The following NCAM1 variants were observed in gnomAD, a reference collection of about 807,000 sequenced individuals.
NCAM1 encodes the protein antigen recognized by monoclonal antibody 5.1H11.
NCAM1 carries 14 observed loss-of-function variants against 109.8 expected under a neutral mutation model. The ratio of observed to expected loss-of-function variants is 0.13; its 90% confidence interval spans 0.08 to 0.20. NCAM1 has a LOEUF of 0.20. NCAM1 is among the 10% of genes least tolerant of loss of function. The pLI, the probability that NCAM1 is intolerant of heterozygous loss-of-function variation, is 1.00. For synonymous variants in NCAM1, 418 were observed against 442.9 expected (o/e 0.94, Z 0.70); for missense variants, 774 against 1,109.9 (o/e 0.70, Z 4.30).
intron 7 of NCAM1, among the ~76,000 whole-genome samples, chr11:113,213,874 C>T (rs782460427): frequency 6.6e-6 from 1 of 152,224 alleles, no homozygotes; most frequent in Non-Finnish European, 1.5e-5. Context: ...TGTCTGTGGG[C>T]CTCCACCAGG....
At chr11:113,193,390 G>T (rs1026643085) in intron 1 of NCAM1, among the ~76,000 whole-genome samples, 7 of 152,174 alleles carry the variant, frequency 4.6e-5, no homozygotes, top group African/African-American at 7.2e-5. Flanking sequence ...CCAGCCTGGA[G>T]AGCCCAGCAC....
intron 1 of NCAM1, among the ~76,000 whole-genome samples, chr11:113,172,048 T>G (rs549288575): frequency 6.6e-6 from 1 of 152,226 alleles, no homozygotes; most frequent in African/African-American, 2.4e-5. Context: ...GACAGTACCA[T>G]AGTACCTTCT....
intron 1 of NCAM1, among the ~76,000 whole-genome samples, chr11:113,187,567 G>A (rs1352164788): frequency 6.6e-6 from 1 of 150,402 alleles, no homozygotes; most frequent in African/African-American, 2.5e-5. Context: ...GTGTTTCTGT[G>A]TGTGTGTGTG....
intron 1 of NCAM1, among the ~76,000 whole-genome samples, chr11:112,967,674 A>G (rs782598030): frequency 4.5e-4 from 69 of 152,234 alleles, no homozygotes; most frequent in Admixed American, 2.2e-3. Context: ...ATAATTATTT[A>G]GACATAGTGC....
At position 113,029,869 on chromosome 11, in the gene NCAM1, T is replaced by G. The variant is rs567392783; in HGVS notation, c.52+68205T>G. Among the ~76,000 whole-genome samples, 3 of 152,340 alleles carry G rather than the reference T, an allele frequency of 2.0e-5. No individual in the cohort carries two copies. In the South Asian group the frequency reaches 6.2e-4, roughly 32 times the overall value. ...ACTTTGCCATTCTTATTAAGGATGC[T>G]TGACTTTGGCCTGGGCCTTGGCATT... On this transcript the variant is annotated intron_variant, in intron 1 of 19. Coordinates refer to ENST00000316851, the MANE Select transcript of NCAM1 (RefSeq NM_181351.5).
chr11:113,015,081 C>T (rs1255161285), intron 1 of NCAM1, among the ~76,000 whole-genome samples: 3 of 152,254 alleles, frequency 2.0e-5, no homozygotes, highest in Non-Finnish European at 2.9e-5. Flanking sequence ...CCATGCATCT[C>T]TGGCTCATTG....
intron 1 of NCAM1, among the ~76,000 whole-genome samples, chr11:113,191,191 G>A (rs940783627): frequency 7.9e-5 from 12 of 152,160 alleles, no homozygotes; most frequent in Non-Finnish European, 1.6e-4. Context: ...AGAAGGGAAG[G>A]GCTGCAGGTG....
intron 1 of NCAM1, among the ~76,000 whole-genome samples, chr11:113,087,461 T>C (rs567215646): frequency 5.4e-4 from 82 of 152,246 alleles, no homozygotes; most frequent in Non-Finnish European, 1.0e-3. Context: ...TTTACGTTCA[T>C]AATTCTCTAG....
chr11:113,264,629 G>A (rs1005896993), intron 17 of NCAM1: 1 of 985,548 alleles, frequency 1.0e-6, no homozygotes, highest in South Asian at 4.7e-5. Context: ...CCCAGCTTGG[G>A]AGTCTGCCTC....
chr11:113,107,423 A>G (rs537403833), intron 1 of NCAM1, among the ~76,000 whole-genome samples: 27 of 152,302 alleles, frequency 1.8e-4, no homozygotes, highest in African/African-American at 6.0e-4. Flanking sequence ...AAAGACTACT[A>G]CTGGAAATGT....
At chr11:113,174,412 A>T (rs914094156) in intron 1 of NCAM1, among the ~76,000 whole-genome samples, 1 of 152,240 alleles carries the variant, frequency 6.6e-6, no homozygotes, top group Non-Finnish European at 1.5e-5. Flanking sequence ...GTTTCTTTGT[A>T]TATGGCAAAA....
At chr11:113,246,206 A>T in intron 14 of NCAM1, 162 bp from the exon 15 acceptor site, 1 of 542,468 alleles carries the variant, frequency 1.8e-6, no homozygotes, top group Non-Finnish European at 3.3e-6. Context: ...TTTGTTGTTG[A>T]TTTTTCTCCC....
chr11:113,038,724 A>C (rs2135406573), intron 1 of NCAM1, among the ~76,000 whole-genome samples: 1 of 152,320 alleles, frequency 6.6e-6, no homozygotes, highest in Non-Finnish European at 1.5e-5. Context: ...GGCTCCACTG[A>C]GTTAAAATTA....
chr11:113,052,848 C>T (rs1285298450), intron 1 of NCAM1, among the ~76,000 whole-genome samples: 1 of 152,170 alleles, frequency 6.6e-6, no homozygotes, highest in Non-Finnish European at 1.5e-5. Flanking sequence ...TCTCCCTCCC[C>T]TTACCACCCA....
chr11:113,199,018 C>T (rs1381416873), intron 1 of NCAM1, among the ~76,000 whole-genome samples: 5 of 152,064 alleles, frequency 3.3e-5, no homozygotes, highest in East Asian at 1.9e-4. Context: ...TTCTTGGAGG[C>T]GTGGGAAGCA....
intron 15 of NCAM1, among the ~76,000 whole-genome samples, chr11:113,254,060 TA>T (rs1267703769): frequency 6.6e-6 from 1 of 152,246 alleles, no homozygotes; most frequent in Non-Finnish European, 1.5e-5. Context: ...TGCCTTGATC[TA>T]AAATCTATGC....
intron 1 of NCAM1, among the ~76,000 whole-genome samples, chr11:112,997,908 T>A (rs1951639334): frequency 6.6e-6 from 1 of 152,214 alleles, no homozygotes; most frequent in South Asian, 2.1e-4. Flanking sequence ...AGTGATTCTT[T>A]TCCCACGAAG....
intron 14 of NCAM1, chr11:113,235,365 A>AACCCCTTGGAGAAAG: frequency 8.5e-7 from 1 of 1,174,058 alleles, no homozygotes; most frequent in Non-Finnish European, 1.3e-6. Flanking sequence ...CTCTTTCTCC[A>AACCCCTTGGAGAAAG]AGGGGTTGGG....
At chr11:113,207,137 G>C (rs1477169325) in intron 5 of NCAM1, 124 bp from the exon 6 acceptor site, 4 of 672,170 alleles carry the variant, frequency 6.0e-6, no homozygotes, top group Non-Finnish European at 7.8e-6. Flanking sequence ...CACTAACTCT[G>C]TAGCTGCACA....
Sources: gnomAD v4.1 joint callset for allele counts (sites outside exome capture counted in the v4.1 genomes callset) on GRCh38, gnomAD v4.1.1 for gene constraint, MANE v1.5 for transcripts, NCBI Gene and HGNC (gene_info 2026-07-23, HGNC 2026-07-21) for gene names.